WWOX: variants seen among roughly 807,000 people sequenced by gnomAD.
WWOX encodes the protein WW domain containing oxidoreductase.
In WWOX, 69 loss-of-function variants were observed where a neutral mutation model predicts 46.2. That is an observed-to-expected ratio of 1.49 (90% CI 1.23 to 1.82). The LOEUF is 1.82. Ranked by LOEUF, WWOX falls within the 40% of genes most tolerant of loss-of-function variation. The probability of loss-of-function intolerance (pLI) is 0.00; values close to 1 mark genes in which losing one functional copy is unlikely to be tolerated. For synonymous variants in WWOX, 359 were observed against 202.6 expected, an observed-to-expected ratio of 1.77 and a Z score of -6.56; for missense variants, 919 against 542.6, an observed-to-expected ratio of 1.69 and a Z score of -6.89.
intron 8 of WWOX, among the ~76,000 whole-genome samples, chr16:78,509,618 A>G (rs549593642): frequency 2.0e-5 from 3 of 152,182 alleles, no homozygotes; most frequent in Non-Finnish European, 2.9e-5. Flanking sequence ...ATTCAGGGAT[A>G]CCAACTTGGG....
chr16:78,416,155 T>C (rs10438628), intron 6 of WWOX, among the ~76,000 whole-genome samples: 14,160 of 152,258 alleles, frequency 0.093, 1,019 homozygotes, highest in African/African-American at 0.19. Flanking sequence ...AACATCAGTT[T>C]TTGGAAGGAT....
In WWOX at chr16:79,115,559, C is replaced by G. The variant is rs563480334; in HGVS notation, c.1057-96049C>G. Among the ~76,000 whole-genome samples, 19 of 152,196 alleles carry G rather than the reference C, an allele frequency of 1.2e-4. No individual in the cohort carries two copies. The South Asian group carries it at 3.7e-3, about 30-fold the overall frequency. On this transcript the variant is annotated intron_variant, in intron 8 of 8. Transcript: ENST00000566780. ...ATGCAGTTTACAATATCTCTAAACT[C>G]AAAACAAGCCAGTAATTCAGAAAAA...
intron 8 of WWOX, among the ~76,000 whole-genome samples, chr16:78,493,418 C>T (rs756539513): frequency 1.3e-5 from 2 of 152,208 alleles, no homozygotes; most frequent in Non-Finnish European, 2.9e-5. Flanking sequence ...GCTTTGGGAA[C>T]ATATCAGTCA....
At chr16:78,622,448 T>G (rs2550602) in intron 8 of WWOX, among the ~76,000 whole-genome samples, 1 of 151,726 alleles carries the variant, frequency 6.6e-6, no homozygotes, top group Admixed American at 6.6e-5. Flanking sequence ...AGGCTGAGAC[T>G]TAAGAATCGC....
intron 5 of WWOX, among the ~76,000 whole-genome samples, chr16:78,267,469 G>C (rs898399218): frequency 2.6e-5 from 4 of 152,208 alleles, no homozygotes; most frequent in African/African-American, 9.7e-5. Flanking sequence ...AGTGTAAAGT[G>C]TCAGTAGCTT....
chr16:78,825,597 A>G, intron 8 of WWOX: 2 of 532,636 alleles, frequency 3.8e-6, no homozygotes, highest in South Asian at 2.9e-5. Flanking sequence ...TCTGCAGTAC[A>G]AACTCCTAGG....
chr16:78,533,988 A>G (rs550267200), intron 8 of WWOX, among the ~76,000 whole-genome samples: 24 of 152,306 alleles, frequency 1.6e-4, no homozygotes, highest in Non-Finnish European at 2.9e-4. Flanking sequence ...ATATTCTAGT[A>G]TTTGCCAAAA....
chr16:78,314,222 C>T (rs1464314913), intron 5 of WWOX, among the ~76,000 whole-genome samples: 3 of 151,856 alleles, frequency 2.0e-5, no homozygotes, highest in Non-Finnish European at 4.4e-5. Flanking sequence ...CTGGCTAACA[C>T]AGTGAAACCC....
chr16:78,183,994 A>T (rs2151756257), intron 5 of WWOX, among the ~76,000 whole-genome samples: 1 of 152,216 alleles, frequency 6.6e-6, no homozygotes, highest in East Asian at 1.9e-4. Context: ...AGGCTTCAGC[A>T]ACTTCACATC....
chr16:79,178,175 C>G (rs542209150), intron 8 of WWOX, among the ~76,000 whole-genome samples: 20 of 152,164 alleles, frequency 1.3e-4, no homozygotes, highest in African/African-American at 1.7e-4. Flanking sequence ...CAGACCATAG[C>G]ACTATCATAG....
chr16:79,196,326 T>G (rs1382272265), intron 8 of WWOX: 1 of 152,132 alleles, frequency 6.6e-6, no homozygotes, highest in Admixed American at 6.6e-5. Flanking sequence ...AGTTGAAAAA[T>G]GCTTAAAATT....
chr16:79,193,431 G>A (rs1337968399), intron 8 of WWOX, among the ~76,000 whole-genome samples: 3 of 152,100 alleles, frequency 2.0e-5, no homozygotes, highest in Non-Finnish European at 4.4e-5. Flanking sequence ...ATCAAAAAGC[G>A]GCTGGAGGAA....
chr16:78,194,807 T>C (rs764055866), intron 5 of WWOX, among the ~76,000 whole-genome samples: 7 of 152,112 alleles, frequency 4.6e-5, no homozygotes, highest in Non-Finnish European at 1.0e-4. Flanking sequence ...CTCCCGATCC[T>C]TTTAAACTTC....
chr16:78,706,527 A>G (rs1010819833), intron 8 of WWOX, among the ~76,000 whole-genome samples: 3 of 151,944 alleles, frequency 2.0e-5, no homozygotes, highest in African/African-American at 4.8e-5. Flanking sequence ...ATATTCTTTC[A>G]TTCGTCAACT....
At chr16:78,506,235 G>C (rs1031619364) in intron 8 of WWOX, among the ~76,000 whole-genome samples, 3 of 152,210 alleles carry the variant, frequency 2.0e-5, no homozygotes, top group Non-Finnish European at 2.9e-5. Flanking sequence ...TGGACACACA[G>C]GCTGTGTTCT....
intron 8 of WWOX, among the ~76,000 whole-genome samples, chr16:79,152,269 C>A (rs988843184): frequency 6.6e-6 from 1 of 152,172 alleles, no homozygotes; most frequent in Non-Finnish European, 1.5e-5. Context: ...AGGGTACAGG[C>A]TGGCTGGACC....
chr16:78,370,778 CTT>C (rs1158363083), intron 5 of WWOX, among the ~76,000 whole-genome samples: 2 of 39,080 alleles, frequency 5.1e-5, no homozygotes, highest in Non-Finnish European at 9.5e-5. Context: ...AACTTTTTTT[CTT>C]TTTTTTTTGG....
chr16:78,292,152 G>GT (rs1449122804), intron 5 of WWOX, among the ~76,000 whole-genome samples: 2 of 149,924 alleles, frequency 1.3e-5, no homozygotes, highest in African/African-American at 2.5e-5. Context: ...TTAACCTCAG[G>GT]TTTTTTTACA....
At chr16:78,915,775 G>T (rs1276232863) in intron 8 of WWOX, among the ~76,000 whole-genome samples, 4 of 152,058 alleles carry the variant, frequency 2.6e-5, no homozygotes, top group Non-Finnish European at 4.4e-5. Context: ...ACTTCGAAAA[G>T]GAACTTGGTA....
Sources: gnomAD v4.1 joint callset for allele counts (sites outside exome capture counted in the v4.1 genomes callset) on GRCh38, gnomAD v4.1.1 for gene constraint, MANE v1.5 for transcripts, NCBI Gene and HGNC (gene_info 2026-07-23, HGNC 2026-07-21) for gene names.